The following OPCML variants were observed in gnomAD, a reference collection of about 807,000 sequenced individuals.
The protein encoded by OPCML is opioid-binding protein/cell adhesion molecule.
OPCML carries 13 observed loss-of-function variants against 37.8 expected under a neutral mutation model. The observed-to-expected ratio is 0.34, with a 90% CI of 0.22 to 0.55. OPCML has a LOEUF of 0.55. Ranked by LOEUF, OPCML falls within the 20% of genes least tolerant of loss-of-function variation. OPCML has a pLI of 0.91. For missense variants in OPCML, 341 were observed against 435.6 expected (o/e 0.78, Z 1.93); for synonymous variants, 176 against 168.8 (o/e 1.04, Z -0.33).
At position 132,509,804 on chromosome 11, in the gene OPCML, C is replaced by T. The variant is rs971297549; in HGVS notation, c.505+19257G>A. On this transcript the variant is annotated intron_variant, in intron 4 of 7. Transcript: ENST00000524381. ...GCAGGGGTGGGGCCCTCATGGAGAA[C>T]CTCTGCTAGGGCAGTGCAGAAGGGA... Among the ~76,000 whole-genome samples, 6 of 152,340 alleles carry T rather than the reference C, an allele frequency of 3.9e-5. No individual in the cohort carries two copies. In the South Asian group the frequency reaches 1.2e-3, roughly 32 times the overall value.
intron 2 of OPCML, among the ~76,000 whole-genome samples, chr11:132,780,587 G>T (rs1224868650): frequency 6.6e-6 from 1 of 152,180 alleles, no homozygotes; most frequent in Non-Finnish European, 1.5e-5. Flanking sequence ...AAATCCATGA[G>T]TCCGCAGGTT....
chr11:133,004,616 A>G (rs1947071552), intron 1 of OPCML: 1 of 985,336 alleles, frequency 1.0e-6, no homozygotes. Context: ...CCTCTGATCC[A>G]GTTGCTGCCC....
chr11:133,272,926 A>G (rs1941892917), intron 1 of OPCML, among the ~76,000 whole-genome samples: 1 of 152,162 alleles, frequency 6.6e-6, no homozygotes, highest in Non-Finnish European at 1.5e-5. Flanking sequence ...CTTGTTGGAA[A>G]ATTACGGGCC....
chr11:133,079,374 C>T (rs781625157), intron 1 of OPCML, among the ~76,000 whole-genome samples: 1 of 152,124 alleles, frequency 6.6e-6, no homozygotes, highest in Non-Finnish European at 1.5e-5. Flanking sequence ...GGGGGACCCA[C>T]ATTTTTGATG....
At chr11:133,471,987 G>T (rs1487081768) in intron 1 of OPCML, among the ~76,000 whole-genome samples, 1 of 152,208 alleles carries the variant, frequency 6.6e-6, no homozygotes, top group African/African-American at 2.4e-5. Flanking sequence ...CTGACCATGA[G>T]AGCTGATCTT....
At chr11:132,895,340 A>G (rs532693833) in intron 2 of OPCML, among the ~76,000 whole-genome samples, 1 of 152,368 alleles carries the variant, frequency 6.6e-6, no homozygotes, top group East Asian at 1.9e-4. Context: ...AAAGGGATGA[A>G]GGAAAAGAAT....
At chr11:132,859,921 C>G (rs535434394) in intron 2 of OPCML, 9 of 152,132 alleles carry the variant, frequency 5.9e-5, no homozygotes, top group Admixed American at 1.3e-4. Flanking sequence ...TAATACTAAC[C>G]CTTTCATTTT....
chr11:132,897,327 A>G (rs1943889100), intron 2 of OPCML, among the ~76,000 whole-genome samples: 4 of 152,148 alleles, frequency 2.6e-5, no homozygotes, highest in Admixed American at 2.6e-4. Flanking sequence ...ACCATGGGCC[A>G]CCAATTACCA....
intron 2 of OPCML, among the ~76,000 whole-genome samples, chr11:132,670,070 G>C (rs1942393164): frequency 6.6e-6 from 1 of 152,076 alleles, no homozygotes; most frequent in Admixed American, 6.6e-5. Flanking sequence ...GCTTGGCAAA[G>C]AAGTGAGCAA....
intron 1 of OPCML, among the ~76,000 whole-genome samples, chr11:133,019,446 C>T (rs2136897731): frequency 6.6e-6 from 1 of 152,252 alleles, no homozygotes; most frequent in East Asian, 1.9e-4. Context: ...ATGCGGACAC[C>T]ACTTGATATT....
chr11:132,807,279 T>C (rs954340422), intron 2 of OPCML, among the ~76,000 whole-genome samples: 1 of 152,066 alleles, frequency 6.6e-6, no homozygotes, highest in African/African-American at 2.4e-5. Context: ...CTAAAAAGAA[T>C]AATCATGATT....
At chr11:133,294,815 C>CTG (rs1942583547) in intron 1 of OPCML, among the ~76,000 whole-genome samples, 7 of 56,558 alleles carry the variant, frequency 1.2e-4, no homozygotes, top group East Asian at 7.7e-4. Context: ...TTCTTTCTTT[C>CTG]TTTTTTTTTT....
chr11:132,780,515 T>C (rs1946972265), intron 2 of OPCML, among the ~76,000 whole-genome samples: 1 of 152,208 alleles, frequency 6.6e-6, no homozygotes, highest in Non-Finnish European at 1.5e-5. Flanking sequence ...CTTGATGCTG[T>C]GGCATTTTTG....
At chr11:132,422,041 T>C (rs1376348381) in intron 7 of OPCML, among the ~76,000 whole-genome samples, 4 of 152,178 alleles carry the variant, frequency 2.6e-5, no homozygotes, top group African/African-American at 9.7e-5. Flanking sequence ...AAAATTATCT[T>C]TTTGTATATA....
chr11:132,952,846 T>C lies in OPCML; in HGVS notation c.62-9836A>G, dbSNP rs77253533. ...GATGGCAGCTCTCCATGATGGGGGATAGTCAATTCCTTTTTTCCATCCTTA... is the reference window on the plus strand; with the variant it reads ...GATGGCAGCTCTCCATGATGGGGGACAGTCAATTCCTTTTTTCCATCCTTA... On this transcript the variant is annotated intron_variant, in intron 1 of 7. Transcript: ENST00000524381. Among the ~76,000 whole-genome samples, 336 of 152,228 alleles carry C rather than the reference T, an allele frequency of 2.2e-3. 1 individual carries two copies. Among genetic ancestry groups the C allele is most frequent in the African/African-American group, 7.5e-3 (312 of 41,552 alleles).
intron 2 of OPCML, among the ~76,000 whole-genome samples, chr11:132,925,810 T>C (rs1015685294): frequency 6.6e-6 from 1 of 152,166 alleles, no homozygotes; most frequent in Admixed American, 6.5e-5. Flanking sequence ...GAGGGTTTTT[T>C]CTTGTTGTGA....
intron 4 of OPCML, among the ~76,000 whole-genome samples, chr11:132,447,164 G>A (rs59475078): frequency 0.067 from 10,267 of 152,248 alleles, 556 homozygotes; most frequent in African/African-American, 0.14. Flanking sequence ...TGCCAACTGC[G>A]TCTGACTTGT....
At chr11:132,539,522 C>A (rs1192250352) in intron 3 of OPCML, among the ~76,000 whole-genome samples, 14 of 152,028 alleles carry the variant, frequency 9.2e-5, no homozygotes, top group African/African-American at 3.1e-4. Context: ...GCTGCTGCTG[C>A]TGCTGCTGCT....
At chr11:132,924,477 A>G (rs185294211) in intron 2 of OPCML, among the ~76,000 whole-genome samples, 1 of 152,302 alleles carries the variant, frequency 6.6e-6, no homozygotes, top group Admixed American at 6.5e-5. Context: ...AAGCAAGTCT[A>G]TTGAAGACAA....
Sources: gnomAD v4.1 joint callset for allele counts (sites outside exome capture counted in the v4.1 genomes callset) on GRCh38, gnomAD v4.1.1 for gene constraint, MANE v1.5 for transcripts, NCBI Gene and HGNC (gene_info 2026-07-23, HGNC 2026-07-21) for gene names.